DAZAP1: variants seen among roughly 807,000 people sequenced by gnomAD.
DAZAP1 encodes DAZ associated protein 1.
DAZAP1 carries 6 observed loss-of-function variants against 60.1 expected under a neutral mutation model. That is an observed-to-expected ratio of 0.10 (90% CI 0.05 to 0.20). DAZAP1 has a LOEUF of 0.20. DAZAP1 is among the 10% of genes least tolerant of loss of function. DAZAP1 has a pLI of 1.00. For synonymous variants in DAZAP1, 235 were observed against 215.9 expected (o/e 1.09, Z -0.78); for missense variants, 366 against 560.4 (o/e 0.65, Z 3.50).
At chr19:1,424,064 G>C (rs1411783402) in intron 6 of DAZAP1, among the ~76,000 whole-genome samples, 1 of 151,910 alleles carries the variant, frequency 6.6e-6, no homozygotes, top group Non-Finnish European at 1.5e-5. Flanking sequence ...TCTGAGACGG[G>C]TCTGTGTCCC....
rs1050249852 is a variant in DAZAP1, at chr19:1,422,196, C to A, written c.415-152C>A. 5 of 665,966 alleles carry A rather than the reference C, an allele frequency of 7.5e-6. No homozygotes were observed. Among genetic ancestry groups the A allele is most frequent in the Non-Finnish European group, 1.3e-5 (5 of 379,480 alleles). 41.3% of individuals were successfully genotyped at this position (665,966 alleles called of 1,614,324 possible). On this transcript the variant is annotated intron_variant, in intron 5 of 11. Coordinates refer to ENST00000233078, the MANE Select transcript of DAZAP1 (RefSeq NM_018959.4). This position sits in a 1 kb window ranked among gnomAD's most constrained non-coding sequence, Gnocchi z 4.5. The stretch of plus-strand genomic sequence containing the variant: ...GCTCCAGCCTTTCTCAGACAGCAGC[C>A]CCACGGAGCAGCTGTTGCCCGTGCA...
Position 1,426,270 on chromosome 19 carries a change from C to A in DAZAP1, c.546+310C>A, listed in dbSNP as rs962947414. 2.4e-5 allele frequency: 9 copies of A among 375,458 alleles called. No individual in the cohort carries two copies. The highest frequency in any genetic ancestry group is 8.3e-4 in the Middle Eastern group (1 of 1,200). 23.3% of individuals were successfully genotyped at this position (375,458 alleles called of 1,614,324 possible). ...GTGTTGGGGCTGGCTCCAGTGAAACCGCAGCGTTGCCTCAGGCTTGGTTTC... is the reference window on the plus strand; with the variant it reads ...GTGTTGGGGCTGGCTCCAGTGAAACAGCAGCGTTGCCTCAGGCTTGGTTTC... On this transcript the variant is annotated intron_variant, in intron 7 of 11. Transcript: ENST00000233078. This position sits in a 1 kb window ranked among gnomAD's most constrained non-coding sequence, Gnocchi z 5.4.
intron 1 of DAZAP1, among the ~76,000 whole-genome samples, chr19:1,409,302 A>C (rs2082757327): frequency 6.6e-6 from 1 of 152,096 alleles, no homozygotes; most frequent in African/African-American, 2.4e-5. Flanking sequence ...GGGTACCTGG[A>C]TTAGGTCCAT....
At chr19:1,411,811 G>T (rs561571726) in intron 1 of DAZAP1, among the ~76,000 whole-genome samples, 2 of 152,220 alleles carry the variant, frequency 1.3e-5, no homozygotes, top group Non-Finnish European at 2.9e-5. Flanking sequence ...TGCCCGCCCC[G>T]CACAGAGGGC....
rs768380784 is a variant in DAZAP1, at chr19:1,433,756, C to G, written c.1049-981C>G. The G allele has an allele frequency of 5.0e-6, 8 of 1,613,908 alleles. No homozygotes were observed. The highest frequency in any genetic ancestry group is 6.8e-6 in the Non-Finnish European group (8 of 1,179,878). On this transcript the variant is annotated intron_variant, in intron 11 of 11. Coordinates refer to ENST00000233078, the MANE Select transcript of DAZAP1 (RefSeq NM_018959.4). The surrounding 1 kb of genome is among the most constrained non-coding windows in gnomAD (Gnocchi z 6.1). ...CTTGCCAGGCCTGGGTTCCTATTCT[C>G]CAGCCCCGCCGGGCTGCGGCCCACA...
chr19:1,409,118 G>A (rs929382226), intron 1 of DAZAP1, among the ~76,000 whole-genome samples: 19 of 152,206 alleles, frequency 1.2e-4, no homozygotes, highest in African/African-American at 4.3e-4. Context: ...CAGGATGAAA[G>A]CACTTAGCCC....
chr19:1,420,022 CA>C (rs2083106176), intron 4 of DAZAP1, among the ~76,000 whole-genome samples: 1 of 76,856 alleles, frequency 1.3e-5, no homozygotes, highest in East Asian at 5.2e-4. Flanking sequence ...ACCATCCCTA[CA>C]GTCACGGCGG....
Position 1,430,269 on chromosome 19 carries a change from C to CCCCCCCTAAA in DAZAP1, c.779_780insCCCCCTAAAC (p.Phe262LeufsTer168). The stretch of plus-strand genomic sequence containing the variant: ...AGGAAGAGGAGCCCCCCCGCCACCC[C>CCCCCCCTAAA]CACCGTTCACCTCCTACATCGTGTC... On this transcript the variant is annotated frameshift_variant, in exon 10 of 12. Transcript: ENST00000233078. LOFTEE classifies it high-confidence loss of function. 1.5e-6 allele frequency: 2 copies of CCCCCCCTAAA among 1,356,186 alleles called. No homozygotes were observed. The highest frequency in any genetic ancestry group is 2.1e-6 in the Non-Finnish European group (2 of 971,274). 84.0% of individuals were successfully genotyped at this position (1,356,186 alleles called of 1,614,324 possible).
rs1443422289 is a variant in DAZAP1 at position 1,416,943 on chromosome 19, G to A, written c.30-557G>A. ...GGTAAGTAAGTGGGGCCAGTGCTGA[G>A]ACTGGAGCTTCAGGGCCTTCACCTT... On this transcript the variant is annotated intron_variant, in intron 1 of 11. Transcript: ENST00000233078. The surrounding 1 kb of genome is among the most constrained non-coding windows in gnomAD (Gnocchi z 4.3). 3 of 159,030 alleles carry A rather than the reference G, an allele frequency of 1.9e-5. No individual in the cohort carries two copies. Among genetic ancestry groups the A allele is most frequent in the Non-Finnish European group, 4.1e-5 (3 of 72,602 alleles). The allele number at this position is 159,030 out of a possible 1,614,324, so 9.9% of individuals were successfully genotyped here. A position where few individuals can be genotyped will look rare whatever the true frequency, so the allele number is the denominator to read the frequency against.
chr19:1,429,725 GAC>G (rs1205172522), intron 8 of DAZAP1, among the ~76,000 whole-genome samples: 3 of 152,252 alleles, frequency 2.0e-5, no homozygotes, highest in Admixed American at 1.3e-4. Flanking sequence ...CCAGTCAGCA[GAC>G]ACAGTGCCCG....
Position 1,415,397 on chromosome 19 carries a change from T to G in DAZAP1, c.30-2103T>G, listed in dbSNP as rs865907456. On this transcript the variant is annotated intron_variant, in intron 1 of 11. Transcript: ENST00000233078. ...TGTGTGTGTGTGTGTGTGTTTTGTT[T>G]TTTTTTTTTTTTTTGAGAACTGCTT... is the stretch of plus-strand genomic sequence containing the variant. 5.8e-5 allele frequency among the ~76,000 whole-genome samples: 8 copies of G among 138,722 alleles called. 1 individual carries two copies. Among genetic ancestry groups the G allele is most frequent in the East Asian group, 4.2e-4 (2 of 4,726 alleles). The allele number at this position is 138,722 out of a possible 152,430, so 91.0% of individuals were successfully genotyped here.
intron 1 of DAZAP1, 61 bp downstream of exon 1, chr19:1,407,863 G>T: frequency 1.9e-6 from 2 of 1,049,106 alleles, no homozygotes; most frequent in South Asian, 4.4e-5. Flanking sequence ...GCTCCCCGCC[G>T]CCCGGCCTCA....
At chr19:1,419,734 A>G (rs938953031) in intron 4 of DAZAP1, among the ~76,000 whole-genome samples, 1 of 151,854 alleles carries the variant, frequency 6.6e-6, no homozygotes, top group African/African-American at 2.4e-5. Flanking sequence ...GACCCATACA[A>G]ACACTCATGA....
Position 1,428,560 on chromosome 19 carries a change from G to A in DAZAP1, c.547-282G>A. 1 of 360,212 alleles carries A rather than the reference G, an allele frequency of 2.8e-6. No individual in the cohort carries two copies. The allele number at this position is 360,212 out of a possible 1,614,324, so 22.3% of individuals were successfully genotyped here. On this transcript the variant is annotated intron_variant, in intron 7 of 11. Transcript: ENST00000233078. This position sits in a 1 kb window ranked among gnomAD's most constrained non-coding sequence, Gnocchi z 4.0. ...ACCCTTCGTCACGCACGAAACCCCC[G>A]AGGGCTCTGGGCTCGGTCCTGCTGC...
In DAZAP1 at chr19:1,431,629, A is replaced by G. The variant is rs532960514; in HGVS notation, c.872-885A>G. Among the ~76,000 whole-genome samples the G allele has an allele frequency of 1.8e-4, 27 of 152,142 alleles. No individual in the cohort carries two copies. The South Asian group carries it at 3.7e-3, about 21-fold the overall frequency. On this transcript the variant is annotated intron_variant, in intron 10 of 11. Transcript: ENST00000233078. ...TTTTTAGTAGAGAACAGGTTTCACT[A>G]TGTTGGTCAGGCTGGTCTTGAACTC... is the stretch of plus-strand genomic sequence containing the variant.
Position 1,432,913 on chromosome 19 carries a change from A to G in DAZAP1, c.1048+223A>G. 1 of 563,938 alleles carries G rather than the reference A, an allele frequency of 1.8e-6. No homozygotes were observed. Among genetic ancestry groups the G allele is most frequent in the South Asian group, 2.3e-5 (1 of 43,832 alleles). 34.9% of individuals were successfully genotyped at this position (563,938 alleles called of 1,614,324 possible). On this transcript the variant is annotated intron_variant, in intron 11 of 11. Coordinates refer to ENST00000233078, the MANE Select transcript of DAZAP1 (RefSeq NM_018959.4). The surrounding 1 kb of genome is among the most constrained non-coding windows in gnomAD (Gnocchi z 4.9). ...CTTGTCGCAGCAGAGCACTCGTCATACAGCAGGTGCTGCAGGGCCTGCATG... is the reference window on the plus strand; with the variant it reads ...CTTGTCGCAGCAGAGCACTCGTCATGCAGCAGGTGCTGCAGGGCCTGCATG...
Position 1,433,970 on chromosome 19 carries a change from C to A in DAZAP1, c.1049-767C>A. On this transcript the variant is annotated intron_variant, in intron 11 of 11. Transcript: ENST00000233078. This position sits in a 1 kb window ranked among gnomAD's most constrained non-coding sequence, Gnocchi z 6.1. ...CTTGCCGGTGCCAAGACATTGGCCA[C>A]AAGCCTTCAGCGGGCCCAGGATCCC... The A allele has an allele frequency of 1.4e-6, 1 of 721,690 alleles. No homozygotes were observed. The highest frequency in any genetic ancestry group is 1.7e-5 in the South Asian group (1 of 57,514). 44.7% of individuals were successfully genotyped at this position (721,690 alleles called of 1,614,324 possible). A position where few individuals can be genotyped will look rare whatever the true frequency, so the allele number is the denominator to read the frequency against.
intron 4 of DAZAP1, 152 bp from the exon 5 acceptor site, chr19:1,420,996 T>A: frequency 1.6e-6 from 1 of 634,632 alleles, no homozygotes; most frequent in South Asian, 1.9e-5. Flanking sequence ...CAGAGCCCAG[T>A]GTCTTTGGAC....
rs2083539014 is a variant in DAZAP1, at chr19:1,434,369, T to C, written c.1049-368T>C. 4.4e-6 allele frequency: 1 copy of C among 227,544 alleles called. No homozygotes were observed. Among genetic ancestry groups the C allele is most frequent in the African/African-American group, 2.3e-5 (1 of 43,346 alleles). The allele number at this position is 227,544 out of a possible 1,614,324, so 14.1% of individuals were successfully genotyped here. ...TTTCTGAAACTCCGAGAGCCAGCTT[T>C]CTAGAAGCCTGGTCCACCGTGCCTT... On this transcript the variant is annotated intron_variant, in intron 11 of 11. Coordinates refer to ENST00000233078, the MANE Select transcript of DAZAP1 (RefSeq NM_018959.4). This position sits in a 1 kb window ranked among gnomAD's most constrained non-coding sequence, Gnocchi z 8.0.
Sources: gnomAD v4.1 joint callset for allele counts (sites outside exome capture counted in the v4.1 genomes callset) on GRCh38, gnomAD v4.1.1 for gene constraint, Gnocchi (gnomAD v3.1) non-coding constraint, MANE v1.5 for transcripts, NCBI Gene and HGNC (gene_info 2026-07-23, HGNC 2026-07-21) for gene names.